Variants in CFAP46 observed in about 807,000 individuals in gnomAD.
CFAP46 encodes cilia- and flagella-associated protein 46.
In CFAP46, 245 loss-of-function variants were observed where a neutral mutation model predicts 325.7. That is an observed-to-expected ratio of 0.75 (90% CI 0.68 to 0.84). The LOEUF (loss-of-function observed/expected upper bound fraction) is 0.84, where lower values mean the gene tolerates loss of function less well. Ranked by LOEUF, CFAP46 falls within the 40% of genes least tolerant of loss-of-function variation. CFAP46 has a pLI of 0.00. For missense variants in CFAP46, 3,346 were observed against 3,543.0 expected, an observed-to-expected ratio of 0.94 and a Z score of 1.41; for synonymous variants, 1,523 against 1,495.9, an observed-to-expected ratio of 1.02 and a Z score of -0.42.
chr10:132,902,929 G>A (rs1305252425), intron 22 of CFAP46, among the ~76,000 whole-genome samples: 1 of 151,292 alleles, frequency 6.6e-6, no homozygotes, highest in African/African-American at 2.4e-5. Context: ...GCCCCAATGT[G>A]AGCTGGCCAC....
chr10:132,826,365 G>C (rs1391690607), intron 50 of CFAP46, among the ~76,000 whole-genome samples: 50 of 142,676 alleles, frequency 3.5e-4, no homozygotes, highest in Non-Finnish European at 6.2e-4. Flanking sequence ...ACCAGCCACG[G>C]AGCCAGGCAG....
intron 35 of CFAP46, among the ~76,000 whole-genome samples, chr10:132,865,216 G>C (rs1022993365): frequency 6.6e-6 from 1 of 152,186 alleles, no homozygotes; most frequent in Admixed American, 6.5e-5. Flanking sequence ...GTCAGTGCTG[G>C]CAAAAACTGG....
intron 34 of CFAP46, among the ~76,000 whole-genome samples, chr10:132,866,587 G>A (rs1848815870): frequency 6.6e-6 from 1 of 152,136 alleles, no homozygotes; most frequent in Non-Finnish European, 1.5e-5. Context: ...CCCGGGTGTG[G>A]GCCGGTGGCT....
intron 33 of CFAP46, among the ~76,000 whole-genome samples, chr10:132,868,050 G>A (rs1295405545): frequency 6.6e-6 from 1 of 152,196 alleles, no homozygotes; most frequent in African/African-American, 2.4e-5. Flanking sequence ...CCAGCAGGGG[G>A]TCACAGCAGA....
chr10:132,872,851 A>G lies in CFAP46; in HGVS notation c.4363-27T>C, dbSNP rs186423175. The G allele has an allele frequency of 5.2e-6, 8 of 1,550,432 alleles. No individual in the cohort carries two copies. The African/African-American group carries it at 9.6e-5, about 19-fold the overall frequency. On this transcript the variant is annotated intron_variant, in intron 31 of 57. Transcript: ENST00000368586. Reference sequence around the variant, plus strand: ...TACATGGACACATAACACACACAGGAGGTCACAGGAGCGGGTGTAGACCAC... The same window carrying G: ...TACATGGACACATAACACACACAGGGGGTCACAGGAGCGGGTGTAGACCAC...
Position 132,832,276 on chromosome 10 carries a change from C to T in CFAP46, c.7117+1082G>A, listed in dbSNP as rs1014954520. On this transcript the variant is annotated intron_variant, in intron 50 of 57. Coordinates refer to ENST00000368586, the MANE Select transcript of CFAP46 (RefSeq NM_001200049.3). This position sits in a 1 kb window ranked among gnomAD's most constrained non-coding sequence, Gnocchi z 4.1. ...AGGGCTCTGCAGATCTCGGAGTGGC[C>T]GTTCCTTGCAGCTCTCTCCTTCCAG... 6.6e-5 allele frequency among the ~76,000 whole-genome samples: 10 copies of T among 151,992 alleles called. No individual in the cohort carries two copies. The highest frequency in any genetic ancestry group is 1.9e-4 in the East Asian group (1 of 5,190).
At chr10:132,933,813 C>A (rs1849950436) in intron 8 of CFAP46, among the ~76,000 whole-genome samples, 1 of 152,268 alleles carries the variant, frequency 6.6e-6, no homozygotes, top group South Asian at 2.1e-4. Flanking sequence ...CCCACAGGAA[C>A]CGAGTCCTCT....
At position 132,919,368 on chromosome 10, in the gene CFAP46, C is replaced by T. The variant is rs763797599; in HGVS notation, c.1805G>A (p.Arg602His). ...GACGTTGTCATACAGGAGGCAGAAGCGGCTCGCCGTCCGACAGACGTCCCA... is the reference window on the plus strand; with the variant it reads ...GACGTTGTCATACAGGAGGCAGAAGTGGCTCGCCGTCCGACAGACGTCCCA... ...GVWDVCRTAS[R>H]FCLLYDNVKV... The change falls in exon 15 of 58, where the codon CGC (arginine) becomes CAC (histidine). Residue 602 changes from arginine (R) to histidine (H), a missense_variant. Arg to His is a conservative substitution (Grantham distance 29). Coordinates refer to ENST00000368586, the MANE Select transcript of CFAP46 (RefSeq NM_001200049.3). The surrounding 1 kb of genome is among the most constrained non-coding windows in gnomAD (Gnocchi z 9.7). 1.8e-5 allele frequency: 28 copies of T among 1,550,012 alleles called. No individual in the cohort carries two copies. The highest frequency in any genetic ancestry group is 3.3e-4 in the Middle Eastern group (2 of 6,012).
intron 10 of CFAP46, among the ~76,000 whole-genome samples, chr10:132,926,289 G>A (rs111897205): frequency 4.6e-5 from 7 of 152,288 alleles, no homozygotes; most frequent in East Asian, 1.9e-4. Flanking sequence ...GGGCAGCTCC[G>A]TGGGGGCTGC....
At chr10:132,921,108 C>T (rs940141304) in intron 13 of CFAP46, among the ~76,000 whole-genome samples, 1 of 152,248 alleles carries the variant, frequency 6.6e-6, no homozygotes, top group African/African-American at 2.4e-5. Context: ...CCCATCTCCT[C>T]GTCTCAGACC....
At chr10:132,914,790 C>T (rs1435850074) in intron 17 of CFAP46, among the ~76,000 whole-genome samples, 13 of 145,198 alleles carry the variant, frequency 9.0e-5, no homozygotes, top group African/African-American at 2.3e-4. Context: ...CACCCCGGCC[C>T]GAGGCTGTGT....
intron 44 of CFAP46, among the ~76,000 whole-genome samples, chr10:132,844,958 A>G (rs913262044): frequency 2.8e-4 from 43 of 151,980 alleles, no homozygotes; most frequent in African/African-American, 9.7e-4. Context: ...GGCTCAAGTG[A>G]TCCTCCTGCC....
In CFAP46 at chr10:132,940,234, G is replaced by A. The variant is rs144525690; in HGVS notation, c.371+762C>T. Among the ~76,000 whole-genome samples the A allele has an allele frequency of 9.8e-3, 1,497 of 152,250 alleles. 12 individuals carry two copies. The highest frequency in any genetic ancestry group is 0.015 in the Non-Finnish European group (1,004 of 68,022). On this transcript the variant is annotated intron_variant, in intron 4 of 57. Coordinates refer to ENST00000368586, the MANE Select transcript of CFAP46 (RefSeq NM_001200049.3). ...AGGCCGATGTGGGTAGAACAGACCA[G>A]GGAACCCACAGCTTCTATTTAAATA...
chr10:132,847,457 A>G lies in CFAP46; in HGVS notation c.5953-136T>C, dbSNP rs569090225. On this transcript the variant is annotated intron_variant, in intron 41 of 57. Coordinates refer to ENST00000368586, the MANE Select transcript of CFAP46 (RefSeq NM_001200049.3). This position sits in a 1 kb window ranked among gnomAD's most constrained non-coding sequence, Gnocchi z 5.2. Reference sequence around the variant, plus strand: ...GGTAGGGGGTACCGCAGGCCACAGCATGGCCTCTCACTATCCCAAACCCTC... The same window carrying G: ...GGTAGGGGGTACCGCAGGCCACAGCGTGGCCTCTCACTATCCCAAACCCTC... 19 of 1,014,548 alleles carry G rather than the reference A, an allele frequency of 1.9e-5. No individual in the cohort carries two copies. The Admixed American group carries it at 3.7e-4, about 20-fold the overall frequency. 62.8% of individuals were successfully genotyped at this position (1,014,548 alleles called of 1,614,324 possible). A position where few individuals can be genotyped will look rare whatever the true frequency, so the allele number is the denominator to read the frequency against.
chr10:132,878,406 G>A (rs995442797), intron 29 of CFAP46, among the ~76,000 whole-genome samples: 2 of 152,102 alleles, frequency 1.3e-5, no homozygotes, highest in African/African-American at 2.4e-5. Flanking sequence ...TGGCCATCCC[G>A]CACTCTCCCT....
chr10:132,840,813 C>A (rs1848334922), intron 44 of CFAP46, among the ~76,000 whole-genome samples: 1 of 152,158 alleles, frequency 6.6e-6, no homozygotes, highest in Admixed American at 6.5e-5. Flanking sequence ...CTCTGAGTGA[C>A]CTTGGTACTG....
intron 10 of CFAP46, among the ~76,000 whole-genome samples, chr10:132,925,241 G>A (rs1849792800): frequency 6.6e-6 from 1 of 152,174 alleles, no homozygotes; most frequent in Admixed American, 6.5e-5. Context: ...TGTGCTACAC[G>A]GGCCCTTCCC....
chr10:132,921,408 C>T (rs765240558), intron 13 of CFAP46, among the ~76,000 whole-genome samples: 1 of 152,192 alleles, frequency 6.6e-6, no homozygotes, highest in Admixed American at 6.5e-5. Flanking sequence ...ACACACCTGC[C>T]GAACCCTGGC....
chr10:132,935,545 G>T (rs1490218931), intron 7 of CFAP46, among the ~76,000 whole-genome samples: 293 of 101,736 alleles, frequency 2.9e-3, no homozygotes, highest in South Asian at 4.7e-3. Flanking sequence ...ACTCCCCTCG[G>T]CACCCAAACA....
Sources: allele counts gnomAD v4.1 joint callset (sites outside exome capture counted in the v4.1 genomes callset), GRCh38; gene constraint gnomAD v4.1.1; non-coding constraint Gnocchi (gnomAD v3.1); transcripts MANE v1.5; gene names NCBI Gene and HGNC (gene_info 2026-07-23, HGNC 2026-07-21).